OCA2: variants seen among roughly 807,000 people sequenced by gnomAD.
OCA2 encodes P protein.
Under a neutral mutation model 100.2 loss-of-function variants are expected in OCA2, and 77 were observed. That is an observed-to-expected ratio of 0.77 (90% confidence interval 0.64 to 0.93). The LOEUF (loss-of-function observed/expected upper bound fraction) is 0.93, where lower values mean the gene tolerates loss of function less well. OCA2 is among the 40% of genes least tolerant of loss of function. The pLI, the probability that OCA2 is intolerant of heterozygous loss-of-function variation, is 0.00. For synonymous variants in OCA2, 432 were observed against 439.2 expected (o/e 0.98, Z 0.21); for missense variants, 1,062 against 1,089.1 (o/e 0.98, Z 0.35).
chr15:27,878,519 A>T (rs985717971), intron 19 of OCA2, among the ~76,000 whole-genome samples: 6 of 152,134 alleles, frequency 3.9e-5, no homozygotes, highest in Non-Finnish European at 7.4e-5. Flanking sequence ...TTCAGCACTT[A>T]AAGAAGGTGC....
At chr15:27,880,556 C>T (rs1203857619) in intron 19 of OCA2, among the ~76,000 whole-genome samples, 3 of 152,074 alleles carry the variant, frequency 2.0e-5, no homozygotes, top group Non-Finnish European at 4.4e-5. Context: ...TGTAGTTCTC[C>T]TTAAAGAAGT....
Position 27,955,227 on chromosome 15 carries a change from A to G in OCA2, c.1785-12T>C. ...CCTGTGAGATCTGTCTAAAAGAGAAAAGAAGAGACTCATTACTTCCCTGGT... is the reference window on the plus strand; with the variant it reads ...CCTGTGAGATCTGTCTAAAAGAGAAGAGAAGAGACTCATTACTTCCCTGGT... On this transcript the variant is annotated splice_polypyrimidine_tract_variant and intron_variant, in intron 16 of 23. Coordinates refer to ENST00000354638, the MANE Select transcript of OCA2 (RefSeq NM_000275.3). 1 of 1,596,252 alleles carries G rather than the reference A, an allele frequency of 6.3e-7. No homozygotes were observed. The highest frequency in any genetic ancestry group is 1.1e-5 in the South Asian group (1 of 90,696).
chr15:27,929,343 A>G (rs2039160469), intron 18 of OCA2, among the ~76,000 whole-genome samples: 1 of 152,232 alleles, frequency 6.6e-6, no homozygotes, highest in Non-Finnish European at 1.5e-5. Context: ...CCATATATTT[A>G]TGGTCAATTG....
intron 19 of OCA2, among the ~76,000 whole-genome samples, chr15:27,905,503 G>A (rs910651911): frequency 7.9e-5 from 12 of 152,228 alleles, no homozygotes; most frequent in African/African-American, 2.9e-4. Flanking sequence ...GAACGGGCCA[G>A]GGGGAACTGG....
chr15:27,922,202 T>A (rs1331490287), intron 19 of OCA2, among the ~76,000 whole-genome samples: 1 of 152,220 alleles, frequency 6.6e-6, no homozygotes, highest in Non-Finnish European at 1.5e-5. Flanking sequence ...TTTCTCTGCT[T>A]CTTTAGAGCA....
intron 22 of OCA2, among the ~76,000 whole-genome samples, chr15:27,850,528 T>G (rs1346479790): frequency 6.6e-6 from 1 of 152,156 alleles, no homozygotes; most frequent in Non-Finnish European, 1.5e-5. Context: ...TTCAACAAGT[T>G]CTACACTCTC....
At chr15:28,085,501 A>G (rs1048651503) in intron 1 of OCA2, among the ~76,000 whole-genome samples, 3 of 152,154 alleles carry the variant, frequency 2.0e-5, no homozygotes, top group Non-Finnish European at 4.4e-5. Flanking sequence ...GATTCAGAAC[A>G]CAGTAGGGCA....
intron 18 of OCA2, among the ~76,000 whole-genome samples, chr15:27,928,014 A>ACT (rs1487538273): frequency 4.0e-5 from 6 of 151,510 alleles, no homozygotes; most frequent in African/African-American, 7.3e-5. Context: ...CTGGTCACGA[A>ACT]CTCCTGACCT....
At chr15:27,803,555 A>T (rs2033701630) in intron 23 of OCA2, among the ~76,000 whole-genome samples, 1 of 152,208 alleles carries the variant, frequency 6.6e-6, no homozygotes. Flanking sequence ...GACAGAACAG[A>T]ATAGTGGTTA....
intron 14 of OCA2, among the ~76,000 whole-genome samples, chr15:27,970,938 G>A (rs1162276644): frequency 6.6e-6 from 1 of 151,626 alleles, no homozygotes; most frequent in African/African-American, 2.4e-5. Context: ...AGCATGCACA[G>A]TACGGCAGGG....
At chr15:28,069,435 C>T (rs1196466089) in intron 2 of OCA2, among the ~76,000 whole-genome samples, 3 of 89,744 alleles carry the variant, frequency 3.3e-5, no homozygotes, top group African/African-American at 1.2e-4. Context: ...TCCCCCTCCC[C>T]CTCTCCCCGG....
rs139240255 is a variant in OCA2 at position 27,955,768 on chromosome 15, A to G, written c.1785-553T>C. Reference sequence around the variant, plus strand: ...TTGAGGCCAGCAGTTGGGGAAGATCAGCTTTGAAGTCTTTTCTGTCCATGC... The same window carrying G: ...TTGAGGCCAGCAGTTGGGGAAGATCGGCTTTGAAGTCTTTTCTGTCCATGC... On this transcript the variant is annotated intron_variant, in intron 16 of 23. Coordinates refer to ENST00000354638, the MANE Select transcript of OCA2 (RefSeq NM_000275.3). Among the ~76,000 whole-genome samples the G allele has an allele frequency of 8.8e-3, 1,336 of 152,268 alleles. 24 individuals are homozygous for G. Among genetic ancestry groups the G allele is most frequent in the African/African-American group, 0.03 (1,241 of 41,552 alleles).
At chr15:27,915,612 A>G (rs2038637933) in intron 19 of OCA2, among the ~76,000 whole-genome samples, 1 of 152,236 alleles carries the variant, frequency 6.6e-6, no homozygotes, top group African/African-American at 2.4e-5. Context: ...ACAAATGCTC[A>G]ACATGGCTAA....
intron 19 of OCA2, among the ~76,000 whole-genome samples, chr15:27,889,253 C>T (rs1246043590): frequency 6.6e-6 from 1 of 152,210 alleles, no homozygotes; most frequent in African/African-American, 2.4e-5. Flanking sequence ...CTTTTCACTA[C>T]AACTGCTTTC....
At chr15:27,835,863 G>A (rs1595489863) in intron 23 of OCA2, among the ~76,000 whole-genome samples, 1 of 152,186 alleles carries the variant, frequency 6.6e-6, no homozygotes, top group East Asian at 1.9e-4. Flanking sequence ...TCCCAGTACT[G>A]AGGTTGTGGG....
rs369673797 is a variant in OCA2 at position 28,013,640 on chromosome 15, G to A, written c.1044+1136C>T. Among the ~76,000 whole-genome samples, 4 of 152,120 alleles carry A rather than the reference G, an allele frequency of 2.6e-5. No individual in the cohort carries two copies. In the East Asian group the frequency reaches 7.7e-4, roughly 29 times the overall value. ...TGGCTGCCTCTGGCTGCTGGAGGGAGGGGCGTGCTCTGTGTGGGCCCACCT... is the reference window on the plus strand; with the variant it reads ...TGGCTGCCTCTGGCTGCTGGAGGGAAGGGCGTGCTCTGTGTGGGCCCACCT... On this transcript the variant is annotated intron_variant, in intron 9 of 23. Transcript: ENST00000354638.
In OCA2 at chr15:28,095,131, C is replaced by A. The variant is rs538909758; in HGVS notation, c.-22+4093G>T. 7.2e-5 allele frequency among the ~76,000 whole-genome samples: 11 copies of A among 152,350 alleles called. No homozygotes were observed. In the East Asian group the frequency reaches 1.7e-3, roughly 24 times the overall value. Reference sequence around the variant, plus strand: ...CCTGCCCAGGTCCAGGCAGCCCCGGCCTTTCCCGCTGGTACTGGCACGCCC... The same window carrying A: ...CCTGCCCAGGTCCAGGCAGCCCCGGACTTTCCCGCTGGTACTGGCACGCCC... On this transcript the variant is annotated intron_variant, in intron 1 of 23. Transcript: ENST00000354638.
chr15:28,090,044 C>T (rs920406153), intron 1 of OCA2, among the ~76,000 whole-genome samples: 10 of 152,074 alleles, frequency 6.6e-5, no homozygotes, highest in Non-Finnish European at 4.4e-5. Flanking sequence ...AAAGTAGGAG[C>T]GGTTATATTC....
intron 23 of OCA2, among the ~76,000 whole-genome samples, chr15:27,828,221 G>A (rs9806728): frequency 0.51 from 76,900 of 151,926 alleles, 20,068 homozygotes; most frequent in South Asian, 0.76. Context: ...TGCTGAAGTC[G>A]CCCTCTTTGG....
Sources: allele counts gnomAD v4.1 joint callset (sites outside exome capture counted in the v4.1 genomes callset), GRCh38; gene constraint gnomAD v4.1.1; transcripts MANE v1.5; gene names NCBI Gene and HGNC (gene_info 2026-07-23, HGNC 2026-07-21).